Variants in ARHGAP18 observed in about 807,000 individuals in gnomAD.
ARHGAP18 encodes Rho GTPase activating protein 18, also known as rho GTPase-activating protein 18.
In ARHGAP18, 67 loss-of-function variants were observed where a neutral mutation model predicts 86.2. The ratio of observed to expected loss-of-function variants is 0.78; its 90% CI spans 0.64 to 0.95. ARHGAP18 has a LOEUF of 0.95. Among genes scored for constraint, ARHGAP18 ranks in the 40% least tolerant of loss-of-function variants. The pLI is 0.00. For missense variants in ARHGAP18, 691 were observed against 780.4 expected, an observed-to-expected ratio of 0.89 and a Z score of 1.37; for synonymous variants, 283 against 280.4, an observed-to-expected ratio of 1.01 and a Z score of -0.09.
intron 1 of ARHGAP18, among the ~76,000 whole-genome samples, chr6:129,699,747 G>A (rs1369134826): frequency 2.0e-5 from 3 of 151,858 alleles, no homozygotes; most frequent in South Asian, 2.1e-4. Flanking sequence ...CGCTAGTTAC[G>A]TCCACACCCA....
chr6:129,623,887 G>C (rs1297211018), intron 5 of ARHGAP18, among the ~76,000 whole-genome samples: 1 of 152,188 alleles, frequency 6.6e-6, no homozygotes, highest in African/African-American at 2.4e-5. Flanking sequence ...TCACGATCAG[G>C]AAAGACTGAA....
chr6:129,665,391 C>CA (rs1426504552), intron 1 of ARHGAP18, among the ~76,000 whole-genome samples: 7 of 150,670 alleles, frequency 4.6e-5, no homozygotes, highest in African/African-American at 9.8e-5. Flanking sequence ...ACTAAAAATA[C>CA]AAAAAAAAAT....
intron 12 of ARHGAP18, among the ~76,000 whole-genome samples, chr6:129,592,042 G>T (rs1190665397): frequency 6.6e-6 from 1 of 151,916 alleles, no homozygotes; most frequent in African/African-American, 2.4e-5. Context: ...TTAAAGAAAG[G>T]CTTAAAATAA....
At chr6:129,630,003 T>C (rs1312623935) in intron 4 of ARHGAP18, among the ~76,000 whole-genome samples, 1 of 152,312 alleles carries the variant, frequency 6.6e-6, no homozygotes. Context: ...CTGCATTTAC[T>C]TTCTGGAATA....
chr6:129,594,094 T>C (rs1370258571), intron 12 of ARHGAP18, among the ~76,000 whole-genome samples: 1 of 152,174 alleles, frequency 6.6e-6, no homozygotes, highest in Admixed American at 6.5e-5. Flanking sequence ...TACAGGTGCA[T>C]GCCACTGCAT....
rs1263665090 is a variant in ARHGAP18 at position 129,578,570 on chromosome 6, C to A, written c.1935G>T (p.Lys645Asn). 1 of 1,611,484 alleles carries A rather than the reference C, an allele frequency of 6.2e-7. No homozygotes were observed. Among genetic ancestry groups the A allele is most frequent in the East Asian group, 2.2e-5 (1 of 44,716 alleles). The change falls in exon 15 of 15, where the codon AAG becomes AAT. Residue 645 changes from lysine to asparagine, a missense_variant. Transcript: ENST00000368149. Reference sequence around the variant, plus strand: ...CATTTGGGTTAAGCTGATATAAATCCTTCATGTAAGTGTCATCATCAAGGC... The same window carrying A: ...CATTTGGGTTAAGCTGATATAAATCATTCATGTAAGTGTCATCATCAAGGC... Reference protein sequence around the residue: ...ERCLDDDTYMKDLYQLNPNAE... With the variant: ...ERCLDDDTYMNDLYQLNPNAE...
intron 7 of ARHGAP18, among the ~76,000 whole-genome samples, chr6:129,612,347 C>T (rs1788997201): frequency 6.6e-6 from 1 of 152,202 alleles, no homozygotes; most frequent in African/African-American, 2.4e-5. Flanking sequence ...CCGTATAAAA[C>T]ATATTCTATT....
At chr6:129,700,884 G>A (rs1774697907) in intron 1 of ARHGAP18, among the ~76,000 whole-genome samples, 1 of 151,912 alleles carries the variant, frequency 6.6e-6, no homozygotes, top group Non-Finnish European at 1.5e-5. Flanking sequence ...ATCTGTGTAT[G>A]CAATCACTAC....
At chr6:129,638,695 G>A in intron 2 of ARHGAP18, 66 bp from the exon 3 acceptor site, 5 of 1,438,010 alleles carry the variant, frequency 3.5e-6, no homozygotes, top group Non-Finnish European at 4.7e-6. Flanking sequence ...TTTTTAAGCT[G>A]TTAAAAATTC....
At chr6:129,669,356 T>C (rs1407065465) in intron 1 of ARHGAP18, among the ~76,000 whole-genome samples, 1 of 151,946 alleles carries the variant, frequency 6.6e-6, no homozygotes, top group Admixed American at 6.5e-5. Flanking sequence ...GTATTTTTAG[T>C]AGAGACGGGG....
Position 129,576,452 on chromosome 6 carries a change from C to A in ARHGAP18, c.*2061G>T, listed in dbSNP as rs1363462789. 6.6e-6 allele frequency: 1 copy of A among 152,124 alleles called. No homozygotes were observed. The highest frequency in any genetic ancestry group is 1.5e-5 in the Non-Finnish European group (1 of 68,032). The allele number at this position is 152,124 out of a possible 1,614,324, so 9.4% of individuals were successfully genotyped here. ...CTCCAATCTGGAAAACAGAGCAAGA[C>A]CCTGTCTCTAAAAAATTTGAGATTT... On this transcript the variant is annotated 3_prime_UTR_variant, in exon 15 of 15. Transcript: ENST00000368149.
At position 129,638,401 on chromosome 6, in the gene ARHGAP18, T is replaced by C; in HGVS notation, c.545A>G (p.Lys182Arg). The C allele has an allele frequency of 6.2e-7, 1 of 1,613,504 alleles. No individual in the cohort carries two copies. The highest frequency in any genetic ancestry group is 8.5e-7 in the Non-Finnish European group (1 of 1,179,832). ...TCAAAAAAGAAAACCTACTGTTTCT[T>C]TTGATTCTCTCTGTTGAGCAAATAT... ...RDIFAQQRESKETAPGGTESQ... is the reference protein window; with the variant it reads ...RDIFAQQRESRETAPGGTESQ... The change falls in exon 3 of 15, where the codon AAA becomes AGA. Residue 182 changes from lysine to arginine, a missense_variant. Lys to Arg is a conservative substitution (Grantham distance 26). Coordinates refer to ENST00000368149, the MANE Select transcript of ARHGAP18 (RefSeq NM_033515.3).
At chr6:129,650,712 T>C (rs1029531716) in intron 1 of ARHGAP18, among the ~76,000 whole-genome samples, 5 of 152,220 alleles carry the variant, frequency 3.3e-5, no homozygotes, top group African/African-American at 1.2e-4. Flanking sequence ...TGCATCCACC[T>C]GATACCCTGG....
chr6:129,638,669 A>G (rs995567256), intron 2 of ARHGAP18, 40 bp from the exon 3 acceptor site: 43 of 1,552,248 alleles, frequency 2.8e-5, no homozygotes, highest in Non-Finnish European at 3.6e-5. Context: ...ATCACAAAAT[A>G]TAACAACCTT....
intron 1 of ARHGAP18, among the ~76,000 whole-genome samples, chr6:129,652,628 C>G (rs917235042): frequency 6.6e-6 from 1 of 152,164 alleles, no homozygotes; most frequent in African/African-American, 2.4e-5. Flanking sequence ...GATAAATTTA[C>G]GCCAAGATAC....
intron 12 of ARHGAP18, chr6:129,596,949 T>A (rs1395694118): frequency 6.6e-6 from 1 of 152,210 alleles, no homozygotes; most frequent in Non-Finnish European, 1.5e-5. Flanking sequence ...TCACATTAAA[T>A]GTTTTAGCTT....
intron 1 of ARHGAP18, among the ~76,000 whole-genome samples, chr6:129,663,924 C>A (rs1180739818): frequency 6.6e-6 from 1 of 152,244 alleles, no homozygotes; most frequent in African/African-American, 2.4e-5. Flanking sequence ...GTTTGGCCAG[C>A]AGGGTGTTTC....
intron 3 of ARHGAP18, among the ~76,000 whole-genome samples, chr6:129,636,730 T>C (rs998654710): frequency 2.0e-5 from 3 of 152,150 alleles, no homozygotes; most frequent in African/African-American, 4.8e-5. Context: ...TACAAAAAAT[T>C]AGCTGGGCAT....
Position 129,577,191 on chromosome 6 carries a change from G to T in ARHGAP18, c.*1322C>A, listed in dbSNP as rs1788194601. 1 of 152,100 alleles carries T rather than the reference G, an allele frequency of 6.6e-6. No homozygotes were observed. Among genetic ancestry groups the T allele is most frequent in the Non-Finnish European group, 1.5e-5 (1 of 68,002 alleles). 9.4% of individuals were successfully genotyped at this position (152,100 alleles called of 1,614,324 possible). The stretch of plus-strand genomic sequence containing the variant: ...AATCATTTAAGTGATCATATCCACA[G>T]GCTGTTCTTGTAATTATATGCTAAA... On this transcript the variant is annotated 3_prime_UTR_variant, in exon 15 of 15. Coordinates refer to ENST00000368149, the MANE Select transcript of ARHGAP18 (RefSeq NM_033515.3).
Sources: allele counts gnomAD v4.1 joint callset (sites outside exome capture counted in the v4.1 genomes callset), GRCh38; gene constraint gnomAD v4.1.1; transcripts MANE v1.5; gene names NCBI Gene and HGNC (gene_info 2026-07-23, HGNC 2026-07-21).